PSTPIP2: variants seen among roughly 807,000 people sequenced by gnomAD.
The protein encoded by PSTPIP2 is proline-serine-threonine phosphatase-interacting protein 2.
Under a neutral mutation model 63.3 loss-of-function variants are expected in PSTPIP2, and 33 were observed. The observed-to-expected ratio is 0.52, with a 90% CI of 0.40 to 0.70. The LOEUF is 0.70. PSTPIP2 is among the 30% of genes least tolerant of loss of function. The probability of loss-of-function intolerance (pLI) is 0.00; values close to 1 mark genes in which losing one functional copy is unlikely to be tolerated. For missense variants in PSTPIP2, 312 were observed against 400.7 expected (o/e 0.78, Z 1.89); for synonymous variants, 125 against 132.7 (o/e 0.94, Z 0.40).
intron 9 of PSTPIP2, among the ~76,000 whole-genome samples, chr18:45,994,200 T>G (rs1273747471): frequency 4.4e-4 from 60 of 136,758 alleles, no homozygotes; most frequent in Non-Finnish European, 1.5e-5. Flanking sequence ...AAAATAAAAG[T>G]CATTGCCTGA....
At chr18:46,070,908 A>C (rs1189373747) in intron 1 of PSTPIP2, among the ~76,000 whole-genome samples, 3 of 151,918 alleles carry the variant, frequency 2.0e-5, no homozygotes, top group Non-Finnish European at 4.4e-5. Flanking sequence ...TGGGGCCCAC[A>C]TCTCATTCTC....
At chr18:46,007,001 C>G (rs796990225) in intron 5 of PSTPIP2, among the ~76,000 whole-genome samples, 3 of 152,274 alleles carry the variant, frequency 2.0e-5, no homozygotes, top group African/African-American at 7.2e-5. Context: ...TTTTGTTTCT[C>G]ATTATTACCC....
chr18:45,993,954 G>A, intron 9 of PSTPIP2: 1 of 447,396 alleles, frequency 2.2e-6, no homozygotes, highest in East Asian at 4.4e-5. Context: ...GATGATCCCA[G>A]ATACCAATGT....
intron 1 of PSTPIP2, among the ~76,000 whole-genome samples, chr18:46,055,943 A>G (rs961722655): frequency 4.6e-5 from 7 of 152,220 alleles, no homozygotes; most frequent in African/African-American, 1.7e-4. Context: ...CTTCTACTCC[A>G]CGGGAAAACC....
intron 3 of PSTPIP2, among the ~76,000 whole-genome samples, chr18:46,018,607 G>GAGCT (rs2051878253): frequency 6.6e-6 from 1 of 152,100 alleles, no homozygotes; most frequent in East Asian, 1.9e-4. Flanking sequence ...GACCTCAAGT[G>GAGCT]AGCTGCCCGC....
intron 2 of PSTPIP2, among the ~76,000 whole-genome samples, chr18:46,025,903 C>T (rs1189957081): frequency 6.6e-5 from 10 of 152,058 alleles, no homozygotes; most frequent in East Asian, 1.9e-4. Flanking sequence ...TACAGGTGTG[C>T]GCCACCATGC....
chr18:46,046,000 C>T (rs1175423569), intron 1 of PSTPIP2, among the ~76,000 whole-genome samples: 1 of 152,208 alleles, frequency 6.6e-6, no homozygotes, highest in Non-Finnish European at 1.5e-5. Flanking sequence ...CAGTATGTAC[C>T]TTTCTGAGGA....
Position 46,072,155 on chromosome 18 carries a change from C to A in PSTPIP2, c.33+1G>T. On this transcript the variant is annotated splice_donor_variant, in intron 1 of 14. Coordinates refer to ENST00000409746, the MANE Select transcript of PSTPIP2 (RefSeq NM_024430.4). LOFTEE classifies it high-confidence loss of function. Reference sequence around the variant, plus strand: ...GATCCGCTGTCGGCCCCACGACTTACCCAAAAGTTTCCCTTGAACAGTGAG... The same window carrying A: ...GATCCGCTGTCGGCCCCACGACTTAACCAAAAGTTTCCCTTGAACAGTGAG... 1 of 1,535,878 alleles carries A rather than the reference C, an allele frequency of 6.5e-7. No individual in the cohort carries two copies. Among genetic ancestry groups the A allele is most frequent in the Non-Finnish European group, 8.8e-7 (1 of 1,141,444 alleles).
intron 1 of PSTPIP2, among the ~76,000 whole-genome samples, 178 bp downstream of exon 1, chr18:46,071,978 T>G (rs375298849): frequency 6.6e-6 from 1 of 152,140 alleles, no homozygotes; most frequent in East Asian, 1.9e-4. Flanking sequence ...GCTCCAAGTC[T>G]GCCCCTCGAG....
At chr18:46,046,050 T>C (rs1908373303) in intron 1 of PSTPIP2, among the ~76,000 whole-genome samples, 1 of 152,222 alleles carries the variant, frequency 6.6e-6, no homozygotes, top group Admixed American at 6.5e-5. Flanking sequence ...AATGCAGAAA[T>C]AGACTCACTT....
intron 1 of PSTPIP2, among the ~76,000 whole-genome samples, chr18:46,044,097 A>G (rs1908291371): frequency 6.6e-6 from 1 of 152,204 alleles, no homozygotes; most frequent in South Asian, 2.1e-4. Flanking sequence ...CAATCCCATC[A>G]AAATCCTGAA....
intron 2 of PSTPIP2, among the ~76,000 whole-genome samples, chr18:46,026,436 GTTCTT>G (rs1465011220): frequency 1.3e-5 from 2 of 152,144 alleles, no homozygotes; most frequent in Non-Finnish European, 2.9e-5. Context: ...TTTGGTAGAA[GTTCTT>G]TATAGACTAT....
chr18:46,046,754 G>T (rs1908397734), intron 1 of PSTPIP2, among the ~76,000 whole-genome samples: 1 of 152,188 alleles, frequency 6.6e-6, no homozygotes, highest in South Asian at 2.1e-4. Context: ...ACCCTCCATG[G>T]TTTGCATTTC....
At chr18:45,997,349 C>T (rs970560290) in intron 9 of PSTPIP2, among the ~76,000 whole-genome samples, 5 of 152,022 alleles carry the variant, frequency 3.3e-5, no homozygotes, top group Admixed American at 1.3e-4. Flanking sequence ...CCACCACACC[C>T]GGCTAATTTT....
At chr18:46,013,762 G>T (rs1402591957) in intron 4 of PSTPIP2, among the ~76,000 whole-genome samples, 1 of 152,004 alleles carries the variant, frequency 6.6e-6, no homozygotes, top group African/African-American at 2.4e-5. Flanking sequence ...AAGCAAAGAT[G>T]ACCAACACAG....
chr18:46,004,658 C>T (rs1568213282), intron 6 of PSTPIP2, among the ~76,000 whole-genome samples: 1 of 152,086 alleles, frequency 6.6e-6, no homozygotes, highest in Admixed American at 6.5e-5. Flanking sequence ...GCTATATTTT[C>T]TCGGGTTACC....
chr18:45,986,726 G>T (rs1361763987), intron 14 of PSTPIP2, among the ~76,000 whole-genome samples: 1 of 151,998 alleles, frequency 6.6e-6, no homozygotes, highest in Non-Finnish European at 1.5e-5. Flanking sequence ...TAAAGAACAG[G>T]GTACTTTATG....
chr18:46,070,452 G>A (rs1376126061), intron 1 of PSTPIP2, among the ~76,000 whole-genome samples: 1 of 152,240 alleles, frequency 6.6e-6, no homozygotes, highest in Non-Finnish European at 1.5e-5. Context: ...CCTGGCCTTA[G>A]CCTTGCCAGT....
At chr18:46,056,304 G>C (rs940856741) in intron 1 of PSTPIP2, among the ~76,000 whole-genome samples, 1 of 152,174 alleles carries the variant, frequency 6.6e-6, no homozygotes, top group African/African-American at 2.4e-5. Flanking sequence ...GCTTCCCTCT[G>C]TTGTGCCCTG....
Sources: allele counts gnomAD v4.1 joint callset (sites outside exome capture counted in the v4.1 genomes callset), GRCh38; gene constraint gnomAD v4.1.1; transcripts MANE v1.5; gene names NCBI Gene and HGNC (gene_info 2026-07-23, HGNC 2026-07-21).